RNF150: variants seen among roughly 807,000 people sequenced by gnomAD.
RNF150 encodes the protein ring finger protein 150.
Under a neutral mutation model 39.3 loss-of-function variants are expected in RNF150, and 24 were observed. The observed-to-expected ratio is 0.61, with a 90% CI of 0.44 to 0.86. The LOEUF (loss-of-function observed/expected upper bound fraction) is 0.86. Among genes scored for constraint, RNF150 ranks in the 40% least tolerant of loss-of-function variants. The pLI, the probability that RNF150 is intolerant of heterozygous loss-of-function variation, is 0.00. For missense variants in RNF150, 502 were observed against 587.8 expected (o/e 0.85, Z 1.51); for synonymous variants, 255 against 227.3 (o/e 1.12, Z -1.10).
At chr4:141,212,365 T>C (rs1728481616) in intron 1 of RNF150, among the ~76,000 whole-genome samples, 1 of 152,170 alleles carries the variant, frequency 6.6e-6, no homozygotes, top group East Asian at 1.9e-4. Context: ...GACATCAAAC[T>C]TTATGGATAT....
chr4:141,109,833 G>A (rs965642088), intron 1 of RNF150, among the ~76,000 whole-genome samples: 2 of 152,130 alleles, frequency 1.3e-5, no homozygotes, highest in Non-Finnish European at 2.9e-5. Flanking sequence ...GCCAAGATTC[G>A]AGAAAGAAAG....
intron 1 of RNF150, among the ~76,000 whole-genome samples, chr4:141,071,789 G>C (rs1264221540): frequency 6.6e-6 from 1 of 152,112 alleles, no homozygotes; most frequent in East Asian, 1.9e-4. Context: ...TATTCCTTCA[G>C]AATAAAGGTA....
chr4:140,958,352 T>C (rs552134593), intron 2 of RNF150, among the ~76,000 whole-genome samples: 3 of 152,034 alleles, frequency 2.0e-5, no homozygotes, highest in Non-Finnish European at 4.4e-5. Context: ...CGCTCAGTGT[T>C]GAATGGTCAA....
At chr4:140,894,209 G>A (rs999174584) in intron 6 of RNF150, among the ~76,000 whole-genome samples, 16 of 150,332 alleles carry the variant, frequency 1.1e-4, no homozygotes, top group African/African-American at 3.9e-4. Context: ...CAGAGGAGGG[G>A]CAATGTCATC....
At chr4:141,160,634 G>A (rs749176610) in intron 1 of RNF150, among the ~76,000 whole-genome samples, 11 of 152,160 alleles carry the variant, frequency 7.2e-5, no homozygotes, top group South Asian at 2.1e-4. Flanking sequence ...GATCATGGGC[G>A]TGACTTCTAA....
intron 1 of RNF150, among the ~76,000 whole-genome samples, chr4:140,970,966 T>G (rs1378618352): frequency 6.6e-6 from 1 of 152,138 alleles, no homozygotes; most frequent in Non-Finnish European, 1.5e-5. Context: ...ACTAGGGATA[T>G]GTATTTATCC....
intron 1 of RNF150, among the ~76,000 whole-genome samples, chr4:141,080,934 C>T (rs11100702): frequency 0.75 from 114,346 of 152,138 alleles, 43,558 homozygotes; most frequent in East Asian, 1. Context: ...GAAGTCTGAT[C>T]GCCAAACGAG....
chr4:140,918,411 C>T (rs940314661), intron 5 of RNF150, among the ~76,000 whole-genome samples: 1 of 152,142 alleles, frequency 6.6e-6, no homozygotes, highest in Non-Finnish European at 1.5e-5. Context: ...AACACCTCTA[C>T]ACAAATAAAC....
At chr4:140,912,910 T>TA (rs1300861006) in intron 5 of RNF150, among the ~76,000 whole-genome samples, 1 of 150,282 alleles carries the variant, frequency 6.7e-6, no homozygotes, top group Non-Finnish European at 1.5e-5. Flanking sequence ...CCTATCCACT[T>TA]ACAATCTCTT....
chr4:141,166,378 G>A (rs1171682432), intron 1 of RNF150, among the ~76,000 whole-genome samples: 1 of 152,156 alleles, frequency 6.6e-6, no homozygotes, highest in Non-Finnish European at 1.5e-5. Flanking sequence ...GGTACAAAGA[G>A]GAGCTAGTAT....
chr4:141,170,677 C>T (rs994844210), intron 1 of RNF150, among the ~76,000 whole-genome samples: 1 of 152,028 alleles, frequency 6.6e-6, no homozygotes, highest in Admixed American at 6.6e-5. Context: ...TGGAAGTCTA[C>T]CGTTCAGAGA....
chr4:140,994,207 CT>C (rs1038529721), intron 1 of RNF150, among the ~76,000 whole-genome samples: 12 of 152,286 alleles, frequency 7.9e-5, no homozygotes, highest in African/African-American at 2.9e-4. Context: ...GTCATGCCTG[CT>C]TCAAAACAGC....
chr4:141,027,895 T>C (rs76275790), intron 1 of RNF150, among the ~76,000 whole-genome samples: 25 of 148,930 alleles, frequency 1.7e-4, no homozygotes, highest in African/African-American at 5.9e-4. Flanking sequence ...ATTAGATAGT[T>C]AATGAGCTTG....
chr4:140,884,351 C>G (rs147420504), intron 6 of RNF150, among the ~76,000 whole-genome samples: 1 of 152,196 alleles, frequency 6.6e-6, no homozygotes, highest in East Asian at 1.9e-4. Flanking sequence ...TTTCCTGTTT[C>G]TTTGTACTCC....
intron 6 of RNF150, among the ~76,000 whole-genome samples, chr4:140,900,202 T>C (rs934645107): frequency 6.6e-6 from 1 of 152,206 alleles, no homozygotes; most frequent in South Asian, 2.1e-4. Flanking sequence ...GCTTTATTCA[T>C]AGAGCAGTTG....
intron 6 of RNF150, among the ~76,000 whole-genome samples, chr4:140,883,053 T>C (rs1329184040): frequency 6.6e-6 from 1 of 152,176 alleles, no homozygotes; most frequent in Non-Finnish European, 1.5e-5. Flanking sequence ...ATTTATCTTT[T>C]GTGTACTTTT....
At chr4:141,185,056 T>C (rs1560772053) in intron 1 of RNF150, among the ~76,000 whole-genome samples, 1 of 152,108 alleles carries the variant, frequency 6.6e-6, no homozygotes, top group South Asian at 2.1e-4. Context: ...GGTTTTCTAG[T>C]TCTGTGAAGA....
At chr4:140,873,864 C>T (rs904014259) in intron 6 of RNF150, among the ~76,000 whole-genome samples, 2 of 152,002 alleles carry the variant, frequency 1.3e-5, no homozygotes, top group Admixed American at 6.6e-5. Flanking sequence ...TTTGTAGAGA[C>T]AGGGTTTCGT....
At chr4:141,029,349 C>T (rs1735838425) in intron 1 of RNF150, among the ~76,000 whole-genome samples, 1 of 152,082 alleles carries the variant, frequency 6.6e-6, no homozygotes, top group South Asian at 2.1e-4. Context: ...CATGGGAAAC[C>T]AGACATTCTC....
Sources: allele counts gnomAD v4.1 joint callset (sites outside exome capture counted in the v4.1 genomes callset), GRCh38; gene constraint gnomAD v4.1.1; transcripts MANE v1.5; gene names NCBI Gene and HGNC (gene_info 2026-07-23, HGNC 2026-07-21).